ALG8: variants seen among roughly 807,000 people sequenced by gnomAD.
ALG8 encodes dolichyl pyrophosphate Glc1Man9GlcNAc2 alpha-1,3-glucosyltransferase.
ALG8 carries 48 observed loss-of-function variants against 70.2 expected under a neutral mutation model. The observed-to-expected ratio is 0.68, with a 90% CI of 0.54 to 0.87. The LOEUF is 0.87. Among genes scored for constraint, ALG8 ranks in the 40% least tolerant of loss-of-function variants. The pLI is 0.00. For missense variants in ALG8, 572 were observed against 608.7 expected (o/e 0.94, Z 0.64); for synonymous variants, 234 against 229.0 (o/e 1.02, Z -0.20).
intron 2 of ALG8, among the ~76,000 whole-genome samples, chr11:78,126,860 C>G (rs1861101725): frequency 6.6e-6 from 1 of 152,156 alleles, no homozygotes; most frequent in African/African-American, 2.4e-5. Context: ...GATATTATAC[C>G]TCCCAATTTA....
At chr11:78,106,982 T>C in intron 9 of ALG8, 36 bp from the exon 10 acceptor site, 2 of 1,612,178 alleles carry the variant, frequency 1.2e-6, no homozygotes, top group South Asian at 1.1e-5. Context: ...TTCAGTATCA[T>C]TTGAAACAGA....
intron 5 of ALG8, among the ~76,000 whole-genome samples, chr11:78,117,693 G>C (rs1860638392): frequency 6.6e-6 from 1 of 151,842 alleles, no homozygotes; most frequent in Non-Finnish European, 1.5e-5. Flanking sequence ...TGAGAGAATT[G>C]CTTGAGCCCA....
chr11:78,112,913 A>C (rs985952278), intron 7 of ALG8, 143 bp from the exon 8 acceptor site: 8 of 971,292 alleles, frequency 8.2e-6, no homozygotes, highest in African/African-American at 1.7e-5. Context: ...TATGCTCACC[A>C]CAATGTAAGT....
chr11:78,115,048 T>G (rs865827744), intron 5 of ALG8, among the ~76,000 whole-genome samples: 38 of 152,210 alleles, frequency 2.5e-4, no homozygotes, highest in African/African-American at 8.9e-4. Context: ...TTATTTTATT[T>G]GAGATGGAGT....
intron 10 of ALG8, among the ~76,000 whole-genome samples, chr11:78,106,520 A>G (rs1412562105): frequency 6.6e-6 from 1 of 151,996 alleles, no homozygotes; most frequent in East Asian, 1.9e-4. Context: ...TCTATAACAT[A>G]CTGTCCCTCA....
At chr11:78,121,276 T>C (rs1860810567) in intron 3 of ALG8, 102 bp from the exon 4 acceptor site, 6 of 776,174 alleles carry the variant, frequency 7.7e-6, no homozygotes, top group Non-Finnish European at 8.7e-6. Context: ...CCTGACAAAC[T>C]ACATGCCATT....
intron 1 of ALG8, chr11:78,133,337 T>A (rs1861389629): frequency 6.6e-6 from 1 of 152,240 alleles, no homozygotes; most frequent in Non-Finnish European, 1.5e-5. Context: ...TATCTGCATT[T>A]ATCCTGTAAC....
intron 1 of ALG8, among the ~76,000 whole-genome samples, chr11:78,130,626 G>GGTAA (rs1188068816): frequency 6.6e-6 from 1 of 152,036 alleles, no homozygotes; most frequent in Non-Finnish European, 1.5e-5. Context: ...TGTTGATGTT[G>GGTAA]GTAAGTCTCT....
intron 1 of ALG8, among the ~76,000 whole-genome samples, chr11:78,131,381 T>C (rs1037686962): frequency 2.2e-4 from 34 of 152,294 alleles, no homozygotes; most frequent in African/African-American, 7.7e-4. Flanking sequence ...GGTGGGAGGA[T>C]AGCTTGAGGT....
At chr11:78,123,798 G>T (rs1046641469) in intron 3 of ALG8, among the ~76,000 whole-genome samples, 1 of 152,068 alleles carries the variant, frequency 6.6e-6, no homozygotes, top group Non-Finnish European at 1.5e-5. Flanking sequence ...ATAATCTCTT[G>T]TTCTACCTCT....
At chr11:78,104,119 A>ACTTTCAGC in intron 11 of ALG8, 67 bp from the exon 12 acceptor site, 1 of 1,079,174 alleles carries the variant, frequency 9.3e-7, no homozygotes, top group Non-Finnish European at 1.4e-6. Context: ...TGCTGAAAGT[A>ACTTTCAGC]ATATAAGCAC....
At chr11:78,134,570 T>C (rs1026324854) in intron 1 of ALG8, among the ~76,000 whole-genome samples, 6 of 152,344 alleles carry the variant, frequency 3.9e-5, no homozygotes, top group African/African-American at 1.4e-4. Context: ...CTTTCAAAAC[T>C]AGAGTCAATC....
rs1237554132 is a variant in ALG8 at position 78,135,398 on chromosome 11, T to C, written c.95+4096A>G. ...ACTACTCAACTGGCTGCAGAATAGA[T>C]GTTACATCAGCAGGCATGAAAACAA... On this transcript the variant is annotated intron_variant, in intron 1 of 12. Transcript: ENST00000299626. 1.1e-4 allele frequency: 16 copies of C among 150,574 alleles called. No individual in the cohort carries two copies. The Admixed American group carries it at 1.1e-3, about 10-fold the overall frequency. 9.3% of individuals were successfully genotyped at this position (150,574 alleles called of 1,614,324 possible).
At chr11:78,109,858 C>A (rs769564141) in intron 8 of ALG8, among the ~76,000 whole-genome samples, 1 of 152,194 alleles carries the variant, frequency 6.6e-6, no homozygotes, top group East Asian at 1.9e-4. Flanking sequence ...TCTGCTCTCA[C>A]CTCTGAAAGC....
intron 5 of ALG8, among the ~76,000 whole-genome samples, chr11:78,116,082 A>G (rs944740813): frequency 7.9e-5 from 12 of 152,166 alleles, no homozygotes; most frequent in African/African-American, 2.4e-5. Flanking sequence ...AACAAAGGCC[A>G]GGCGTGGTGG....
intron 2 of ALG8, 77 bp from the exon 3 acceptor site, chr11:78,124,291 C>A: frequency 6.8e-7 from 1 of 1,469,970 alleles, no homozygotes; most frequent in Non-Finnish European, 9.5e-7. Context: ...TAAAATTTTT[C>A]ATTCTCTGGT....
intron 1 of ALG8, among the ~76,000 whole-genome samples, chr11:78,130,445 T>C (rs1861262626): frequency 6.6e-6 from 1 of 151,516 alleles, no homozygotes; most frequent in African/African-American, 2.4e-5. Context: ...AATATTCTGC[T>C]TATTGATCTA....
intron 1 of ALG8, among the ~76,000 whole-genome samples, chr11:78,129,282 T>G (rs1380786607): frequency 6.6e-6 from 1 of 151,694 alleles, no homozygotes; most frequent in Admixed American, 6.6e-5. Flanking sequence ...TAGCTGGGTG[T>G]GGTGGTGGGC....
chr11:78,124,750 T>C (rs1387955847), intron 2 of ALG8, among the ~76,000 whole-genome samples: 1 of 152,184 alleles, frequency 6.6e-6, no homozygotes, highest in Non-Finnish European at 1.5e-5. Flanking sequence ...TGAGGTATTA[T>C]GAAGATTAAA....
Sources: gnomAD v4.1 joint callset for allele counts (sites outside exome capture counted in the v4.1 genomes callset) on GRCh38, gnomAD v4.1.1 for gene constraint, MANE v1.5 for transcripts, NCBI Gene and HGNC (gene_info 2026-07-23, HGNC 2026-07-21) for gene names.